TTC6: variants seen among roughly 807,000 people sequenced by gnomAD.
TTC6 encodes tetratricopeptide repeat domain 6, also known as tetratricopeptide repeat protein 6.
In TTC6, 172 loss-of-function variants were observed where a neutral mutation model predicts 210.4. That is an observed-to-expected ratio of 0.82 (90% CI 0.72 to 0.93). The LOEUF (loss-of-function observed/expected upper bound fraction) is 0.93. TTC6 is among the 40% of genes least tolerant of loss of function. The probability of loss-of-function intolerance (pLI) is 0.00; values close to 1 mark genes in which losing one functional copy is unlikely to be tolerated. For synonymous variants in TTC6, 804 were observed against 819.6 expected, an observed-to-expected ratio of 0.98 and a Z score of 0.32; for missense variants, 2,414 against 2,318.1, an observed-to-expected ratio of 1.04 and a Z score of -0.85.
intron 20 of TTC6, among the ~76,000 whole-genome samples, chr14:37,798,874 A>C (rs1382704640): frequency 1.3e-5 from 2 of 152,120 alleles, no homozygotes; most frequent in Non-Finnish European, 2.9e-5. Context: ...TCACATATGA[A>C]ATTAAGTAAT....
At chr14:37,668,593 C>G (rs2095752663) in intron 1 of TTC6, among the ~76,000 whole-genome samples, 1 of 135,444 alleles carries the variant, frequency 7.4e-6, no homozygotes, top group South Asian at 2.3e-4. Flanking sequence ...TACTTTTGGC[C>G]CATTTTACTG....
At chr14:37,610,652 A>G (rs1168622954) in intron 2 of TTC6, among the ~76,000 whole-genome samples, 1 of 152,228 alleles carries the variant, frequency 6.6e-6, no homozygotes, top group Non-Finnish European at 1.5e-5. Flanking sequence ...GCAGAATGTT[A>G]ACTAGCATCC....
chr14:37,657,963 C>CT (rs1273909803), intron 1 of TTC6, among the ~76,000 whole-genome samples: 1 of 152,038 alleles, frequency 6.6e-6, no homozygotes, highest in Non-Finnish European at 1.5e-5. Flanking sequence ...AAGAGAGGTA[C>CT]TTTTTTATTA....
chr14:37,804,598 T>C, intron 20 of TTC6, 82 bp from the exon 23 acceptor site: 1 of 1,523,900 alleles, frequency 6.6e-7, no homozygotes, highest in Admixed American at 2.0e-5. Flanking sequence ...TCTGTGCTCC[T>C]TTTAACATAT....
At chr14:37,770,430 G>T (rs937274413) in intron 14 of TTC6, among the ~76,000 whole-genome samples, 1 of 151,954 alleles carries the variant, frequency 6.6e-6, no homozygotes, top group African/African-American at 2.4e-5. Context: ...ATTAATGTGT[G>T]GGAGTCTAAG....
rs1050703002 is a variant in TTC6 at position 37,738,461 on chromosome 14, T to C, written c.1984-315T>C. 3.9e-5 allele frequency among the ~76,000 whole-genome samples: 6 copies of C among 152,034 alleles called. No homozygotes were observed. The South Asian group carries it at 1.2e-3, about 32-fold the overall frequency. On this transcript the variant is annotated intron_variant, in intron 9 of 30. Transcript: ENST00000553443. Reference sequence around the variant, plus strand: ...TAAATATAAAAGTACAGCATATAATTTATTTGGATATATAGAGAGCATTCT... The same window carrying C: ...TAAATATAAAAGTACAGCATATAATCTATTTGGATATATAGAGAGCATTCT...
At chr14:37,729,636 T>C (rs910737946) in intron 7 of TTC6, among the ~76,000 whole-genome samples, 2 of 152,188 alleles carry the variant, frequency 1.3e-5, no homozygotes, top group African/African-American at 2.4e-5. Flanking sequence ...AAGCTCTTTC[T>C]ACCTAATCCT....
At chr14:37,827,859 C>G (rs2096175884) in intron 29 of TTC6, 1 of 153,090 alleles carries the variant, frequency 6.5e-6, no homozygotes, top group Non-Finnish European at 1.5e-5. Context: ...TGCCAACCCT[C>G]TGTGTGTTGT....
intron 14 of TTC6, among the ~76,000 whole-genome samples, chr14:37,785,276 G>C (rs961823581): frequency 2.0e-5 from 3 of 151,954 alleles, no homozygotes; most frequent in African/African-American, 7.3e-5. Context: ...ACATAGATTT[G>C]GTCTTTTCAC....
chr14:37,722,585 C>T (rs1270589495), intron 6 of TTC6, among the ~76,000 whole-genome samples: 1 of 152,158 alleles, frequency 6.6e-6, no homozygotes. Context: ...TCAAATGGTC[C>T]TCCAGCCTTG....
intron 26 of TTC6, among the ~76,000 whole-genome samples, chr14:37,821,332 G>C (rs2096156630): frequency 6.6e-6 from 1 of 152,126 alleles, no homozygotes; most frequent in African/African-American, 2.4e-5. Context: ...GCCTCCCAAA[G>C]TGCTGGGATG....
intron 1 of TTC6, among the ~76,000 whole-genome samples, chr14:37,641,419 C>A (rs2095691533): frequency 6.6e-6 from 1 of 152,166 alleles, no homozygotes; most frequent in Non-Finnish European, 1.5e-5. Flanking sequence ...CATGTTTAAG[C>A]ATCTCTTATC....
chr14:37,647,678 C>T (rs1041452627), intron 1 of TTC6, among the ~76,000 whole-genome samples: 5 of 151,930 alleles, frequency 3.3e-5, no homozygotes, highest in Admixed American at 3.3e-4. Flanking sequence ...GTTCAGGTGG[C>T]AGGTTAGGGT....
intron 1 of TTC6, among the ~76,000 whole-genome samples, chr14:37,645,058 A>G (rs1249865570): frequency 6.6e-6 from 1 of 152,196 alleles, no homozygotes; most frequent in Admixed American, 6.5e-5. Flanking sequence ...ACATTCCAGT[A>G]AGGTTGAACC....
At chr14:37,732,091 A>G (rs183269892) in intron 7 of TTC6, among the ~76,000 whole-genome samples, 245 of 152,122 alleles carry the variant, frequency 1.6e-3, no homozygotes, top group African/African-American at 5.4e-3. Context: ...TTAACTACAA[A>G]TAGCTTATTG....
chr14:37,839,206 C>T (rs1371305391), intron 29 of TTC6, among the ~76,000 whole-genome samples: 1 of 152,124 alleles, frequency 6.6e-6, no homozygotes, highest in East Asian at 1.9e-4. Context: ...GTTCCAGATC[C>T]TTGAGGAATC....
intron 10 of TTC6, among the ~76,000 whole-genome samples, chr14:37,739,583 A>AG (rs1158378556): frequency 4.7e-5 from 7 of 148,308 alleles, no homozygotes; most frequent in East Asian, 2.1e-4. Flanking sequence ...AAAAAAAAAA[A>AG]AAAAAAAGAA....
At chr14:37,618,563 G>C (rs986361425), upstream of TTC6, among the ~76,000 whole-genome samples, 3 of 152,270 alleles carry the variant, frequency 2.0e-5, no homozygotes, top group East Asian at 1.9e-4. Flanking sequence ...CTATGAAAAA[G>C]AGAACATGCT....
rs139437878 is a variant in TTC6, at chr14:37,744,902, G to C, written c.2364-4037G>C. On this transcript the variant is annotated intron_variant, in intron 10 of 30. Transcript: ENST00000553443. The stretch of plus-strand genomic sequence containing the variant: ...TAGGTGAGAAATAGTTTCTTGGTTT[G>C]GGGTGATAGCAACCAAAGTAGTGGA... Among the ~76,000 whole-genome samples, 1,521 of 152,126 alleles carry C rather than the reference G, an allele frequency of 1.0e-2. 17 individuals are homozygous for C. The highest frequency in any genetic ancestry group is 0.013 in the Non-Finnish European group (895 of 68,006).
Sources: gnomAD v4.1 joint callset for allele counts (sites outside exome capture counted in the v4.1 genomes callset) on GRCh38, gnomAD v4.1.1 for gene constraint, MANE v1.5 for transcripts, NCBI Gene and HGNC (gene_info 2026-07-23, HGNC 2026-07-21) for gene names.